Variants in FREM2 observed in about 807,000 individuals in gnomAD.
FREM2 encodes FRAS1 related extracellular matrix 2, also known as FRAS1-related extracellular matrix protein 2.
FREM2 carries 119 observed loss-of-function variants against 219.9 expected under a neutral mutation model. The ratio of observed to expected loss-of-function variants is 0.54; its 90% CI spans 0.47 to 0.63. FREM2 has a LOEUF of 0.63. Among genes scored for constraint, FREM2 ranks in the 30% least tolerant of loss-of-function variants. The pLI is 0.00. For missense variants in FREM2, 4,030 were observed against 3,993.6 expected (o/e 1.01, Z -0.25); for synonymous variants, 1,562 against 1,522.8 (o/e 1.03, Z -0.60).
At chr13:38,727,630 G>A (rs1283385278) in intron 2 of FREM2, among the ~76,000 whole-genome samples, 2 of 152,222 alleles carry the variant, frequency 1.3e-5, no homozygotes, top group Non-Finnish European at 2.9e-5. Flanking sequence ...GCCTGGCATA[G>A]CACTTGACAC....
intron 6 of FREM2, among the ~76,000 whole-genome samples, chr13:38,831,582 A>G (rs1411062276): frequency 6.7e-6 from 1 of 150,222 alleles, no homozygotes; most frequent in Admixed American, 6.7e-5. Flanking sequence ...ATATTTTTAA[A>G]CTTTCCCTTT....
At chr13:38,815,291 T>C (rs1237128515) in intron 6 of FREM2, among the ~76,000 whole-genome samples, 1 of 152,198 alleles carries the variant, frequency 6.6e-6, no homozygotes, top group Non-Finnish European at 1.5e-5. Context: ...TCAGGCATTT[T>C]GTACATGCCT....
At chr13:38,837,809 T>A (rs1392473812) in intron 6 of FREM2, among the ~76,000 whole-genome samples, 1 of 149,696 alleles carries the variant, frequency 6.7e-6, no homozygotes, top group Non-Finnish European at 1.5e-5. Flanking sequence ...TTCCATTTGC[T>A]TGGTAAATAT....
At chr13:38,755,358 CA>C (rs1203393941) in intron 2 of FREM2, among the ~76,000 whole-genome samples, 1 of 152,144 alleles carries the variant, frequency 6.6e-6, no homozygotes, top group African/African-American at 2.4e-5. Flanking sequence ...CAGGAACCCC[CA>C]GGGGTGGGCC....
At chr13:38,783,479 A>T (rs1009501906) in intron 5 of FREM2, among the ~76,000 whole-genome samples, 9 of 35,482 alleles carry the variant, frequency 2.5e-4, no homozygotes, top group South Asian at 6.4e-4. Context: ...TATATAAAAA[A>T]AAAAAAAAAA....
intron 6 of FREM2, among the ~76,000 whole-genome samples, chr13:38,788,794 T>TA (rs1874435749): frequency 6.6e-6 from 1 of 152,156 alleles, no homozygotes; most frequent in Non-Finnish European, 1.5e-5. Context: ...TAGAATAATG[T>TA]ATACTATAAG....
intron 2 of FREM2, among the ~76,000 whole-genome samples, chr13:38,701,253 T>C (rs541592764): frequency 5.3e-5 from 8 of 152,252 alleles, no homozygotes; most frequent in African/African-American, 2.4e-5. Context: ...CATACATGAA[T>C]GCATCATTAC....
intron 2 of FREM2, among the ~76,000 whole-genome samples, chr13:38,740,963 T>C (rs149255429): frequency 0.01 from 1,557 of 152,322 alleles, 13 homozygotes; most frequent in Non-Finnish European, 0.016. Flanking sequence ...AATGCAACTC[T>C]CTGTGTTTGT....
chr13:38,822,502 T>G (rs140678913), intron 6 of FREM2, among the ~76,000 whole-genome samples: 113 of 152,062 alleles, frequency 7.4e-4, no homozygotes, highest in African/African-American at 2.7e-3. Flanking sequence ...CAAGATAAAA[T>G]TAGAAGTGGT....
chr13:38,687,338 C>T lies in FREM2; in HGVS notation c.-7C>T, dbSNP rs917556998. 1 of 1,597,030 alleles carries T rather than the reference C, an allele frequency of 6.3e-7. No individual in the cohort carries two copies. The highest frequency in any genetic ancestry group is 1.3e-5 in the African/African-American group (1 of 74,676). The stretch of plus-strand genomic sequence containing the variant: ...GGCTGACCTGTCCAAGCCCGAACAC[C>T]GGGACCATGCACTCAGCCGGGACTC... On this transcript the variant is annotated 5_prime_UTR_variant, in exon 1 of 24. Coordinates refer to ENST00000280481, the MANE Select transcript of FREM2 (RefSeq NM_207361.6).
chr13:38,699,703 G>C (rs187449057), intron 2 of FREM2, among the ~76,000 whole-genome samples: 1 of 152,146 alleles, frequency 6.6e-6, no homozygotes, highest in Non-Finnish European at 1.5e-5. Context: ...TAATTCCCCT[G>C]ATATAAGAAA....
At chr13:38,731,161 T>C (rs537066037) in intron 2 of FREM2, among the ~76,000 whole-genome samples, 18 of 152,298 alleles carry the variant, frequency 1.2e-4, no homozygotes, top group Non-Finnish European at 4.4e-5. Context: ...ACTTCAGACA[T>C]TGCAAAGTCT....
chr13:38,878,386 AT>A, intron 22 of FREM2, 65 bp downstream of exon 22: 2 of 1,228,054 alleles, frequency 1.6e-6, no homozygotes, highest in Non-Finnish European at 2.4e-6. Flanking sequence ...CTTGTCTTAT[AT>A]TTAAAAACAA....
intron 2 of FREM2, among the ~76,000 whole-genome samples, chr13:38,762,301 G>A (rs1328784970): frequency 3.3e-5 from 5 of 152,182 alleles, no homozygotes. Flanking sequence ...GAGCCTCCTA[G>A]CCCATGGCCT....
At chr13:38,789,665 A>G (rs534380957) in intron 6 of FREM2, among the ~76,000 whole-genome samples, 3 of 151,228 alleles carry the variant, frequency 2.0e-5, no homozygotes, top group South Asian at 2.1e-4. Context: ...AATTCTCTCT[A>G]TATCTATTTG....
Position 38,851,105 on chromosome 13 carries a change from G to C in FREM2, c.6739G>C (p.Asp2247His). ...ETLIRIRDDA[D>H]KTVIKFGETK... ...TCTCATAAGGATCCGAGATGATGCT[G>C]ATAGTAAGAAATCTTTTTTTGTTTG... Residue 2247 changes from aspartate (D) to histidine (H), a missense_variant, in exon 10 of 24, where the codon GAT becomes CAT. Coordinates refer to ENST00000280481, the MANE Select transcript of FREM2 (RefSeq NM_207361.6). The C allele has an allele frequency of 6.2e-7, 1 of 1,613,386 alleles. No homozygotes were observed. Among genetic ancestry groups the C allele is most frequent in the Non-Finnish European group, 8.5e-7 (1 of 1,179,874 alleles).
At chr13:38,785,227 T>A (rs1346233796) in intron 6 of FREM2, among the ~76,000 whole-genome samples, 1 of 152,320 alleles carries the variant, frequency 6.6e-6, no homozygotes, top group East Asian at 1.9e-4. Flanking sequence ...GGCAAGGCTG[T>A]TAAATGAATA....
intron 2 of FREM2, among the ~76,000 whole-genome samples, chr13:38,710,087 G>A (rs1051244390): frequency 6.6e-6 from 1 of 151,710 alleles, no homozygotes; most frequent in Non-Finnish European, 1.5e-5. Flanking sequence ...AGGAGGCTGA[G>A]GCAGGAAAAT....
intron 6 of FREM2, among the ~76,000 whole-genome samples, chr13:38,813,014 G>T (rs1286502664): frequency 6.6e-6 from 1 of 150,530 alleles, no homozygotes; most frequent in Non-Finnish European, 1.5e-5. Context: ...TCTTACTGTA[G>T]TGTCTATGTT....
Sources: gnomAD v4.1 joint callset for allele counts (sites outside exome capture counted in the v4.1 genomes callset) on GRCh38, gnomAD v4.1.1 for gene constraint, MANE v1.5 for transcripts, NCBI Gene and HGNC (gene_info 2026-07-23, HGNC 2026-07-21) for gene names.